Variants in TENM2 observed in about 807,000 individuals in gnomAD.
TENM2 encodes teneurin transmembrane protein 2, also known as teneurin-2.
Under a neutral mutation model 245.2 loss-of-function variants are expected in TENM2, and 52 were observed. The ratio of observed to expected loss-of-function variants is 0.21; its 90% CI spans 0.17 to 0.27. The LOEUF (loss-of-function observed/expected upper bound fraction) is 0.27, where lower values mean the gene tolerates loss of function less well. Among genes scored for constraint, TENM2 ranks in the 10% least tolerant of loss-of-function variants. The probability of loss-of-function intolerance (pLI) is 1.00; values close to 1 mark genes in which losing one functional copy is unlikely to be tolerated. For missense variants in TENM2, 3,046 were observed against 3,666.8 expected, an observed-to-expected ratio of 0.83 and a Z score of 4.37; for synonymous variants, 1,363 against 1,438.9, an observed-to-expected ratio of 0.95 and a Z score of 1.19.
chr5:167,886,683 C>T (rs966074316), intron 3 of TENM2, among the ~76,000 whole-genome samples: 3 of 152,114 alleles, frequency 2.0e-5, no homozygotes, highest in Non-Finnish European at 4.4e-5. Flanking sequence ...TTGAACTGAA[C>T]GTTATAGAAC....
intron 1 of TENM2, among the ~76,000 whole-genome samples, chr5:167,298,536 G>A (rs926474823): frequency 1.3e-5 from 2 of 152,166 alleles, no homozygotes; most frequent in Non-Finnish European, 2.9e-5. Context: ...CCCAGGGGGC[G>A]GAGCCTGCAG....
intron 2 of TENM2, among the ~76,000 whole-genome samples, chr5:167,541,989 G>A (rs893384643): frequency 1.4e-4 from 22 of 152,188 alleles, no homozygotes; most frequent in African/African-American, 2.9e-4. Context: ...TGGTCATGCC[G>A]CCATTTTAGT....
At chr5:167,279,275 C>T in the TENM2 span, among the ~76,000 whole-genome samples, 1 of 152,156 alleles carries the variant, frequency 6.6e-6, no homozygotes, top group African/African-American at 2.4e-5. Flanking sequence ...GGGACTCACT[C>T]AGCTTTTTGA....
At chr5:167,629,902 GA>G (rs1167212601) in intron 2 of TENM2, among the ~76,000 whole-genome samples, 3 of 151,884 alleles carry the variant, frequency 2.0e-5, no homozygotes, top group African/African-American at 7.3e-5. Context: ...GAGGAGGGGG[GA>G]AAGAGGAGGA....
At chr5:168,165,991 C>G (rs1321728470) in intron 13 of TENM2, 1 of 151,942 alleles carries the variant, frequency 6.6e-6, no homozygotes, top group Non-Finnish European at 1.5e-5. Context: ...AGTGACTTCC[C>G]TAGGAGGTGT....
At chr5:167,871,072 T>C (rs1232539204) in intron 2 of TENM2, among the ~76,000 whole-genome samples, 1 of 152,164 alleles carries the variant, frequency 6.6e-6, no homozygotes, top group Non-Finnish European at 1.5e-5. Context: ...TCCTTTGGTC[T>C]TGGGGAATTA....
intron 2 of TENM2, among the ~76,000 whole-genome samples, chr5:167,577,137 C>T (rs1478907689): frequency 1.3e-5 from 2 of 152,116 alleles, no homozygotes; most frequent in African/African-American, 2.4e-5. Flanking sequence ...CGTACCCAGA[C>T]AGGAACTGAT....
chr5:168,078,934 A>C (rs917778345), intron 7 of TENM2, among the ~76,000 whole-genome samples: 1 of 152,180 alleles, frequency 6.6e-6, no homozygotes, highest in Non-Finnish European at 1.5e-5. Context: ...GTTCCATATG[A>C]ACTTTAAAGT....
chr5:168,259,347 G>A (rs1434464214), intron 27 of TENM2, among the ~76,000 whole-genome samples: 4 of 152,146 alleles, frequency 2.6e-5, no homozygotes, highest in Non-Finnish European at 4.4e-5. Context: ...CAGCACTTTG[G>A]GAGGCTGAGG....
At chr5:167,298,907 C>G (rs1755135775) in intron 1 of TENM2, among the ~76,000 whole-genome samples, 1 of 152,114 alleles carries the variant, frequency 6.6e-6, no homozygotes, top group Admixed American at 6.5e-5. Context: ...TGTGACTAGA[C>G]AGAAGATAGT....
chr5:167,311,349 T>C (rs1448936144), intron 1 of TENM2, among the ~76,000 whole-genome samples: 1 of 152,188 alleles, frequency 6.6e-6, no homozygotes, highest in Non-Finnish European at 1.5e-5. Flanking sequence ...ATAGCAATTG[T>C]TTTTATCATT....
the TENM2 span, among the ~76,000 whole-genome samples, chr5:167,196,528 G>A: frequency 6.4e-5 from 9 of 140,972 alleles, no homozygotes; most frequent in Middle Eastern, 3.2e-3. Context: ...ATATATATAT[G>A]TGTGTGTACA....
At chr5:168,068,151 G>A (rs938261447) in intron 7 of TENM2, among the ~76,000 whole-genome samples, 1 of 152,126 alleles carries the variant, frequency 6.6e-6, no homozygotes, top group African/African-American at 2.4e-5. Flanking sequence ...CAGCTACTGA[G>A]CAGAGCAAGG....
intron 2 of TENM2, among the ~76,000 whole-genome samples, chr5:167,570,145 A>C (rs1173329135): frequency 6.6e-6 from 1 of 152,210 alleles, no homozygotes; most frequent in African/African-American, 2.4e-5. Context: ...CTGGGCGGAC[A>C]GTAAGCTCTT....
Position 168,218,419 on chromosome 5 carries a change from A to G in TENM2, c.4528A>G (p.Ile1510Val). ...ACGCCAGGTAACAACCAACGGGGAG[A>G]TCTGCCTTTTAGCTGGGGCAGCCTC... Residue 1510 changes from isoleucine to valine, a missense_variant, in exon 23 of 29, where the codon ATC becomes GTC. Physicochemically the swap from Ile to Val is conservative, Grantham distance 29 (BLOSUM62 3). Transcript: ENST00000518659. The surrounding 1 kb of genome is among the most constrained non-coding windows in gnomAD (Gnocchi z 5.2). 6.2e-7 allele frequency: 1 copy of G among 1,614,040 alleles called. No homozygotes were observed. The highest frequency in any genetic ancestry group is 1.1e-5 in the South Asian group (1 of 91,076).
At chr5:167,524,100 T>C (rs996616451) in intron 2 of TENM2, among the ~76,000 whole-genome samples, 1 of 152,164 alleles carries the variant, frequency 6.6e-6, no homozygotes, top group Admixed American at 6.5e-5. Context: ...TAGACCATAA[T>C]CCCTATTGAG....
chr5:167,161,098 C>T, the TENM2 span, among the ~76,000 whole-genome samples: 1 of 152,316 alleles, frequency 6.6e-6, no homozygotes, highest in East Asian at 1.9e-4. Context: ...TATGATGCAA[C>T]TGTTTGAAGA....
At chr5:167,619,858 C>T (rs937957452) in intron 2 of TENM2, among the ~76,000 whole-genome samples, 1 of 151,970 alleles carries the variant, frequency 6.6e-6, no homozygotes, top group Non-Finnish European at 1.5e-5. Flanking sequence ...CTGTTCCTCC[C>T]CCTTTTAAAA....
chr5:167,547,261 T>C (rs1772622704), intron 2 of TENM2, among the ~76,000 whole-genome samples: 1 of 152,076 alleles, frequency 6.6e-6, no homozygotes, highest in South Asian at 2.1e-4. Context: ...AATTTTTGTA[T>C]GTTTAGTACA....
Sources: gnomAD v4.1 joint callset for allele counts (sites outside exome capture counted in the v4.1 genomes callset) on GRCh38, gnomAD v4.1.1 for gene constraint, Gnocchi (gnomAD v3.1) non-coding constraint, MANE v1.5 for transcripts, NCBI Gene and HGNC (gene_info 2026-07-23, HGNC 2026-07-21) for gene names.